Variants in ZSCAN25 observed in about 807,000 individuals in gnomAD.
The protein encoded by ZSCAN25 is zinc finger and SCAN domain-containing protein 25.
A neutral mutation model predicts 38.7 loss-of-function variants in ZSCAN25; 27 were observed. The observed-to-expected ratio is 0.70, with a 90% CI of 0.51 to 0.96. ZSCAN25 has a LOEUF of 0.96. ZSCAN25 is among the 40% of genes least tolerant of loss of function. The pLI, the probability that ZSCAN25 is intolerant of heterozygous loss-of-function variation, is 0.00. For synonymous variants in ZSCAN25, 273 were observed against 277.7 expected (o/e 0.98, Z 0.17); for missense variants, 637 against 705.9 (o/e 0.90, Z 1.11).
At chr7:99,640,053 C>G in the ZSCAN25 span, among the ~76,000 whole-genome samples, 2 of 152,188 alleles carry the variant, frequency 1.3e-5, no homozygotes, top group Non-Finnish European at 2.9e-5. Flanking sequence ...GGTGACAGAG[C>G]AAGACACTGT....
chr7:99,732,564 G>C, the ZSCAN25 span, among the ~76,000 whole-genome samples: 3 of 152,160 alleles, frequency 2.0e-5, no homozygotes, highest in African/African-American at 7.2e-5. Flanking sequence ...ACCCATCTTT[G>C]ATGGGCCATG....
chr7:99,638,443 C>T, the ZSCAN25 span: 4 of 1,563,184 alleles, frequency 2.6e-6, no homozygotes, highest in Middle Eastern at 6.7e-4. Context: ...ATCTCCCGGT[C>T]ATTGATAATG....
the ZSCAN25 span, among the ~76,000 whole-genome samples, chr7:99,726,144 C>G: frequency 6.6e-6 from 1 of 152,086 alleles, no homozygotes; most frequent in Non-Finnish European, 1.5e-5. Flanking sequence ...CTCTTGTATC[C>G]CCCCACCTTA....
chr7:99,714,242 T>C, the ZSCAN25 span, among the ~76,000 whole-genome samples: 1 of 152,198 alleles, frequency 6.6e-6, no homozygotes, highest in Non-Finnish European at 1.5e-5. Context: ...CAAACAGTAA[T>C]GTTTATCCTT....
the ZSCAN25 span, among the ~76,000 whole-genome samples, chr7:99,678,153 G>A: frequency 0.01 from 1,580 of 152,336 alleles, 12 homozygotes; most frequent in Non-Finnish European, 0.015. Context: ...TTGTCTGCCT[G>A]GCTGCCCGAG....
At chr7:99,619,441 G>A in intron 3 of ZSCAN25, 120 bp from the exon 4 acceptor site, 1 of 791,854 alleles carries the variant, frequency 1.3e-6, no homozygotes, top group Non-Finnish European at 2.0e-6. Flanking sequence ...TGGGATCTGT[G>A]TTCAGTCTTT....
chr7:99,691,124 A>T, the ZSCAN25 span, among the ~76,000 whole-genome samples: 5 of 152,156 alleles, frequency 3.3e-5, no homozygotes, highest in Non-Finnish European at 5.9e-5. Flanking sequence ...TAAAAAATGA[A>T]GAGTTCATGT....
chr7:99,710,324 G>A, the ZSCAN25 span, among the ~76,000 whole-genome samples: 1 of 152,170 alleles, frequency 6.6e-6, no homozygotes. Flanking sequence ...ACACATGTGG[G>A]GCAGAGCTGA....
the ZSCAN25 span, chr7:99,720,822 C>A: frequency 1.0e-5 from 2 of 191,508 alleles, no homozygotes; most frequent in Admixed American, 1.1e-4. Context: ...GCAAGTAAAT[C>A]ATCAAATGCT....
the ZSCAN25 span, among the ~76,000 whole-genome samples, chr7:99,680,911 A>T: frequency 6.6e-6 from 1 of 152,238 alleles, no homozygotes; most frequent in Non-Finnish European, 1.5e-5. Flanking sequence ...TGTGCCTCTC[A>T]TCTATTCATT....
the ZSCAN25 span, among the ~76,000 whole-genome samples, chr7:99,647,268 C>T: frequency 1.3e-5 from 2 of 152,212 alleles, no homozygotes. Flanking sequence ...ATGTGGATGC[C>T]TTCCCCAGCA....
the ZSCAN25 span, among the ~76,000 whole-genome samples, chr7:99,711,796 C>CAAA: frequency 1.3e-5 from 2 of 151,748 alleles, no homozygotes; most frequent in South Asian, 2.1e-4. Context: ...ACAACAACAA[C>CAAA]AACAAAAACA....
intron 6 of ZSCAN25, among the ~76,000 whole-genome samples, chr7:99,623,741 G>T (rs1233824771): frequency 2.6e-5 from 4 of 152,220 alleles, no homozygotes; most frequent in Non-Finnish European, 1.5e-5. Flanking sequence ...TTTTATCACA[G>T]CCTTGTTCTT....
At chr7:99,648,275 G>T in the ZSCAN25 span, 1 of 1,600,118 alleles carries the variant, frequency 6.2e-7, no homozygotes, top group South Asian at 1.1e-5. Flanking sequence ...CAGCTTTCTT[G>T]AAGACCAAAG....
chr7:99,629,234 C>T lies in ZSCAN25; in HGVS notation c.849C>T (p.Asp283=). The stretch of plus-strand genomic sequence containing the variant: ...AGGAGGCAAAACCCCCACAGGAAGA[C>T]CTGAAAGGGGCGCTGGTGGCACTGA... The part of the protein sequence containing the change: ...KEKEAKPPQE[D]LKGALVALTS... Residue 283 remains aspartate (D), a synonymous_variant, in exon 8 of 8, where the codon GAC becomes GAT. Transcript: ENST00000394152. This position sits in a 1 kb window ranked among gnomAD's most constrained non-coding sequence, Gnocchi z 5.6. 1.2e-6 allele frequency: 2 copies of T among 1,613,756 alleles called. No homozygotes were observed. The highest frequency in any genetic ancestry group is 1.7e-4 in the Middle Eastern group (1 of 6,058).
At chr7:99,634,334 A>G (rs1425927608), downstream of ZSCAN25, among the ~76,000 whole-genome samples, 2 of 152,362 alleles carry the variant, frequency 1.3e-5, no homozygotes, top group East Asian at 3.9e-4. Flanking sequence ...GCTGAGAGGC[A>G]AGGAGAACCT....
chr7:99,667,653 TC>T, the ZSCAN25 span, among the ~76,000 whole-genome samples: 2 of 152,230 alleles, frequency 1.3e-5, no homozygotes, highest in African/African-American at 4.8e-5. Flanking sequence ...TAATTACTTT[TC>T]CCAACTTGGG....
At chr7:99,726,022 T>G in the ZSCAN25 span, among the ~76,000 whole-genome samples, 1 of 152,196 alleles carries the variant, frequency 6.6e-6, no homozygotes, top group Admixed American at 6.5e-5. Flanking sequence ...GCCAGTTCCC[T>G]TATTAGGCTG....
the ZSCAN25 span, among the ~76,000 whole-genome samples, chr7:99,654,594 C>A: frequency 1.3e-5 from 2 of 152,172 alleles, no homozygotes; most frequent in African/African-American, 2.4e-5. Flanking sequence ...TGGGTATATA[C>A]CCAGTAATGG....
Sources: gnomAD v4.1 joint callset for allele counts (sites outside exome capture counted in the v4.1 genomes callset) on GRCh38, gnomAD v4.1.1 for gene constraint, Gnocchi (gnomAD v3.1) non-coding constraint, MANE v1.5 for transcripts, NCBI Gene and HGNC (gene_info 2026-07-23, HGNC 2026-07-21) for gene names.